Variants in LTBR observed in about 807,000 individuals in gnomAD.
LTBR encodes tumor necrosis factor receptor superfamily member 3.
A neutral mutation model predicts 45.4 loss-of-function variants in LTBR; 15 were observed. The ratio of observed to expected loss-of-function variants is 0.33; its 90% CI spans 0.22 to 0.51. The LOEUF is 0.51. LTBR is among the 20% of genes least tolerant of loss of function. The pLI is 0.97. For missense variants in LTBR, 450 were observed against 565.5 expected, an observed-to-expected ratio of 0.80 and a Z score of 2.07; for synonymous variants, 228 against 231.0, an observed-to-expected ratio of 0.99 and a Z score of 0.12.
upstream of LTBR, among the ~76,000 whole-genome samples, chr12:6,380,767 T>C (rs1408388402): frequency 6.6e-6 from 1 of 151,616 alleles, no homozygotes; most frequent in Non-Finnish European, 1.5e-5. Context: ...CTAATGGGCC[T>C]GTGGAAAGAA....
At position 6,390,562 on chromosome 12, in the gene LTBR, G is replaced by A. The variant is rs956410988; in HGVS notation, c.1031-98G>A. 18 of 1,269,392 alleles carry A rather than the reference G, an allele frequency of 1.4e-5. No individual in the cohort carries two copies. The African/African-American group carries it at 1.5e-4, about 11-fold the overall frequency. 78.6% of individuals were successfully genotyped at this position (1,269,392 alleles called of 1,614,324 possible). On this transcript the variant is annotated intron_variant, in intron 9 of 9. Coordinates refer to ENST00000228918, the MANE Select transcript of LTBR (RefSeq NM_002342.3). Reference sequence around the variant, plus strand: ...AACCAGCAGCAAGCAGGAGAGGGGCGGGGCCAGGGGAAAGGCGAGAAGAAG... The same window carrying A: ...AACCAGCAGCAAGCAGGAGAGGGGCAGGGCCAGGGGAAAGGCGAGAAGAAG...
upstream of LTBR, among the ~76,000 whole-genome samples, chr12:6,382,335 G>A (rs1948992758): frequency 6.6e-6 from 1 of 152,198 alleles, no homozygotes; most frequent in Non-Finnish European, 1.5e-5. Flanking sequence ...CTGACAGTGA[G>A]TTGAAGCTGG....
upstream of LTBR, among the ~76,000 whole-genome samples, chr12:6,379,746 TG>T (rs1198917349): frequency 6.7e-6 from 1 of 148,682 alleles, no homozygotes; most frequent in African/African-American, 2.5e-5. Context: ...CTGGCTAACA[TG>T]GTGAAACCCC....
Position 6,384,315 on chromosome 12 carries a change from C to T in LTBR, c.-44C>T. ...CCAGGACGTCGGGCCTCCTGCCTTC[C>T]TCCCAGGCCCCCACGTTGCTGGCCG... On this transcript the variant is annotated 5_prime_UTR_variant, in exon 1 of 10. Transcript: ENST00000228918. The T allele has an allele frequency of 6.9e-7, 1 of 1,441,316 alleles. No individual in the cohort carries two copies. Among genetic ancestry groups the T allele is most frequent in the Non-Finnish European group, 9.1e-7 (1 of 1,103,060 alleles). The allele number at this position is 1,441,316 out of a possible 1,614,324, so 89.3% of individuals were successfully genotyped here. A position where few individuals can be genotyped will look rare whatever the true frequency, so the allele number is the denominator to read the frequency against.
intron 1 of LTBR, chr12:6,377,649 C>T (rs1948933027): frequency 7.6e-7 from 1 of 1,307,856 alleles, no homozygotes. Context: ...TCCAGTCTCC[C>T]TTGAGCCAGG....
At chr12:6,390,044 A>AG in intron 8 of LTBR, 68 bp from the exon 9 acceptor site, 1 of 914,658 alleles carries the variant, frequency 1.1e-6, no homozygotes, top group Non-Finnish European at 1.8e-6. Flanking sequence ...AAGAAGAGGG[A>AG]GGGAGGGAGA....
intron 6 of LTBR, chr12:6,387,933 C>G: frequency 2.3e-6 from 1 of 435,008 alleles, no homozygotes; most frequent in Non-Finnish European, 4.7e-6. Context: ...CAGGGCAACC[C>G]TAGCTCCTCT....
rs922405829 is a variant in LTBR, at chr12:6,391,220, T to G, written c.*283T>G. 6.0e-6 allele frequency: 2 copies of G among 330,584 alleles called. No homozygotes were observed. Among genetic ancestry groups the G allele is most frequent in the Admixed American group, 4.9e-5 (1 of 20,318 alleles). 20.5% of individuals were successfully genotyped at this position (330,584 alleles called of 1,614,324 possible). ...CACGGACAGGGCACATGATACCAAC[T>G]GCTGCCCACTACGGCACGCCGCACC... is the stretch of plus-strand genomic sequence containing the variant. On this transcript the variant is annotated 3_prime_UTR_variant, in exon 10 of 10. Coordinates refer to ENST00000228918, the MANE Select transcript of LTBR (RefSeq NM_002342.3).
Position 6,388,587 on chromosome 12 carries a change from A to G in LTBR, c.775+82A>G, listed in dbSNP as rs1949075720. The G allele has an allele frequency of 1.0e-5, 13 of 1,275,318 alleles. No homozygotes were observed. Among genetic ancestry groups the G allele is most frequent in the African/African-American group, 2.9e-5 (2 of 68,166 alleles). The allele number at this position is 1,275,318 out of a possible 1,614,324, so 79.0% of individuals were successfully genotyped here. The stretch of plus-strand genomic sequence containing the variant: ...TTCAACTTCCCCGGTGCAACCCTCC[A>G]CACCCTCAAGACTCCCAATGCCTAC... On this transcript the variant is annotated intron_variant, in intron 7 of 9. Transcript: ENST00000228918. This position sits in a 1 kb window ranked among gnomAD's most constrained non-coding sequence, Gnocchi z 4.3.
Position 6,390,649 on chromosome 12 carries a change from C to G in LTBR, c.1031-11C>G. On this transcript the variant is annotated splice_polypyrimidine_tract_variant and intron_variant, in intron 9 of 9. Coordinates refer to ENST00000228918, the MANE Select transcript of LTBR (RefSeq NM_002342.3). The stretch of plus-strand genomic sequence containing the variant: ...CCTTCCTTCCTCAACACTCTGCCTC[C>G]CTTCCTACAGGTACCAATGGCATTC... 6.7e-7 allele frequency: 1 copy of G among 1,499,840 alleles called. No individual in the cohort carries two copies. Among genetic ancestry groups the G allele is most frequent in the East Asian group, 2.3e-5 (1 of 43,510 alleles). The allele number at this position is 1,499,840 out of a possible 1,614,324, so 92.9% of individuals were successfully genotyped here.
In LTBR at chr12:6,386,745, CG is replaced by C. The variant is rs1374389868; in HGVS notation, c.667+302del. ...TTGGGCTTACCAACATTACACAATC[CG>C]TTTTTTTTTTTCACACAATCCATTA... On this transcript the variant is annotated intron_variant, in intron 6 of 9. Transcript: ENST00000228918. The surrounding 1 kb of genome is among the most constrained non-coding windows in gnomAD (Gnocchi z 4.1). The C allele has an allele frequency of 2.4e-5, 7 of 288,706 alleles. No homozygotes were observed. Among genetic ancestry groups the C allele is most frequent in the Non-Finnish European group, 3.9e-5 (6 of 155,810 alleles). The allele number at this position is 288,706 out of a possible 1,614,324, so 17.9% of individuals were successfully genotyped here.
At chr12:6,384,044 C>T, upstream of LTBR, 2 of 1,197,832 alleles carry the variant, frequency 1.7e-6, no homozygotes, top group Non-Finnish European at 2.1e-6. Context: ...CTTTCCCGGC[C>T]GCCCCTCCCG....
At chr12:6,385,560 G>C in intron 4 of LTBR, 181 bp downstream of exon 4, 1 of 737,288 alleles carries the variant, frequency 1.4e-6, no homozygotes, top group South Asian at 1.9e-5. Context: ...ACTGGGACAG[G>C]TGCAGGGGAC....
rs374211962 is a variant in LTBR at position 6,388,752 on chromosome 12, G to A, written c.776-48G>A. 12 of 1,613,322 alleles carry A rather than the reference G, an allele frequency of 7.4e-6. No individual in the cohort carries two copies. In the African/African-American group the frequency reaches 9.3e-5, roughly 13 times the overall value. ...TGGGATGTGGAGGCTGAAAGGCTAG[G>A]TCTGAGGCCTGCCGGGGAGCCTACA... On this transcript the variant is annotated intron_variant, in intron 7 of 9. Coordinates refer to ENST00000228918, the MANE Select transcript of LTBR (RefSeq NM_002342.3). This position sits in a 1 kb window ranked among gnomAD's most constrained non-coding sequence, Gnocchi z 4.3.
At chr12:6,382,201 G>C (rs1370741276), upstream of LTBR, among the ~76,000 whole-genome samples, 1 of 152,126 alleles carries the variant, frequency 6.6e-6, no homozygotes, top group Admixed American at 6.5e-5. Context: ...CTGTCTTTTA[G>C]GGTAAAATCC....
chr12:6,391,315 G>A lies in LTBR; in HGVS notation c.*378G>A, dbSNP rs541380494. On this transcript the variant is annotated 3_prime_UTR_variant, in exon 10 of 10. Coordinates refer to ENST00000228918, the MANE Select transcript of LTBR (RefSeq NM_002342.3). The stretch of plus-strand genomic sequence containing the variant: ...CGTCACGGGCCCCTCTAAAGGATTC[G>A]TGGTGCTCATCCCCAAGCTTCAGAG... The A allele has an allele frequency of 1.2e-5, 2 of 172,810 alleles. No individual in the cohort carries two copies. The highest frequency in any genetic ancestry group is 2.4e-5 in the Non-Finnish European group (2 of 82,146). 10.7% of individuals were successfully genotyped at this position (172,810 alleles called of 1,614,324 possible).
At chr12:6,379,726 C>A (rs894022738), upstream of LTBR, among the ~76,000 whole-genome samples, 2 of 151,626 alleles carry the variant, frequency 1.3e-5, no homozygotes, top group African/African-American at 4.8e-5. Context: ...GTCAGGGGAT[C>A]GAGGCCATCC....
chr12:6,380,668 C>T (rs909068357), upstream of LTBR, among the ~76,000 whole-genome samples: 6 of 147,146 alleles, frequency 4.1e-5, no homozygotes, highest in Non-Finnish European at 3.0e-5. Context: ...CCAGCCTGGG[C>T]GACAGACTGA....
Position 6,386,272 on chromosome 12 carries a change from C to T in LTBR, c.570-75C>T. On this transcript the variant is annotated intron_variant, in intron 5 of 9. Coordinates refer to ENST00000228918, the MANE Select transcript of LTBR (RefSeq NM_002342.3). This position sits in a 1 kb window ranked among gnomAD's most constrained non-coding sequence, Gnocchi z 4.1. Reference sequence around the variant, plus strand: ...GGACTCGACTCACCACTTTCAGCCTCCCCGCCTGCCCAGTGGAGTCGGGAC... The same window carrying T: ...GGACTCGACTCACCACTTTCAGCCTTCCCGCCTGCCCAGTGGAGTCGGGAC... 1 of 1,491,492 alleles carries T rather than the reference C, an allele frequency of 6.7e-7. No individual in the cohort carries two copies. Among genetic ancestry groups the T allele is most frequent in the Non-Finnish European group, 9.3e-7 (1 of 1,071,700 alleles). 92.4% of individuals were successfully genotyped at this position (1,491,492 alleles called of 1,614,324 possible).
Sources: gnomAD v4.1 joint callset for allele counts (sites outside exome capture counted in the v4.1 genomes callset) on GRCh38, gnomAD v4.1.1 for gene constraint, Gnocchi (gnomAD v3.1) non-coding constraint, MANE v1.5 for transcripts, NCBI Gene and HGNC (gene_info 2026-07-23, HGNC 2026-07-21) for gene names.